Variants in LRRC37B observed in about 807,000 individuals in gnomAD.
LRRC37B encodes leucine-rich repeat-containing protein 37B.
A neutral mutation model predicts 98.3 loss-of-function variants in LRRC37B; 28 were observed. The ratio of observed to expected loss-of-function variants is 0.28; its 90% CI spans 0.21 to 0.39. The LOEUF (loss-of-function observed/expected upper bound fraction) is 0.39, where lower values mean the gene tolerates loss of function less well. LRRC37B is among the 10% of genes least tolerant of loss of function. The pLI is 1.00. For synonymous variants in LRRC37B, 364 were observed against 442.7 expected, an observed-to-expected ratio of 0.82 and a Z score of 2.23; for missense variants, 938 against 1,182.7, an observed-to-expected ratio of 0.79 and a Z score of 3.03.
chr17:32,038,019 C>T (rs1293399417), intron 7 of LRRC37B, among the ~76,000 whole-genome samples: 2 of 151,880 alleles, frequency 1.3e-5, no homozygotes, highest in Admixed American at 6.6e-5. Context: ...CCCAGCTACT[C>T]GGGAGGCTGA....
Position 32,022,835 on chromosome 17 carries a change from A to C in LRRC37B, c.1760+10A>C. The C allele has an allele frequency of 1.2e-6, 2 of 1,611,974 alleles. No homozygotes were observed. Among genetic ancestry groups the C allele is most frequent in the South Asian group, 1.1e-5 (1 of 91,022 alleles). ...GCATCTTCACCACCTTGTAAGAATC[A>C]CCTTTCCTCAATCATCCTCTGTGTC... On this transcript the variant is annotated intron_variant, in intron 1 of 11. Transcript: ENST00000327564.
intron 3 of LRRC37B, among the ~76,000 whole-genome samples, chr17:32,030,273 A>G (rs1296983514): frequency 6.6e-6 from 1 of 152,142 alleles, no homozygotes; most frequent in Non-Finnish European, 1.5e-5. Context: ...TGGCTTAGGA[A>G]AACAAAGCTA....
chr17:32,026,479 A>C (rs1910956000), intron 2 of LRRC37B, among the ~76,000 whole-genome samples: 1 of 152,144 alleles, frequency 6.6e-6, no homozygotes, highest in South Asian at 2.1e-4. Flanking sequence ...CCCAGGCTGG[A>C]GTTCACTGGT....
At chr17:32,009,000 G>T (rs1010223023) in intron 1 of LRRC37B, among the ~76,000 whole-genome samples, 2 of 152,166 alleles carry the variant, frequency 1.3e-5, no homozygotes, top group Non-Finnish European at 2.9e-5. Context: ...ATAAGAAACT[G>T]CCAAAACTGT....
chr17:32,029,439 C>T (rs922219741), intron 3 of LRRC37B, among the ~76,000 whole-genome samples: 2 of 152,064 alleles, frequency 1.3e-5, no homozygotes, highest in Non-Finnish European at 2.9e-5. Context: ...TGAACAATAA[C>T]TACATTAAGA....
rs534866119 is a variant in LRRC37B, at chr17:32,044,760, C to T, written c.2205-940C>T. Reference sequence around the variant, plus strand: ...ACTAAAATTAGCTGGGGTGGTGGTGCAAGCCTATAGTCCCATCTATCTGGG... The same window carrying T: ...ACTAAAATTAGCTGGGGTGGTGGTGTAAGCCTATAGTCCCATCTATCTGGG... On this transcript the variant is annotated intron_variant, in intron 7 of 11. Coordinates refer to ENST00000327564, the Ensembl canonical transcript of LRRC37B. 5.5e-4 allele frequency among the ~76,000 whole-genome samples: 84 copies of T among 152,258 alleles called. 1 individual carries two copies. Among genetic ancestry groups the T allele is most frequent in the African/African-American group, 1.8e-3 (75 of 41,544 alleles).
In LRRC37B at chr17:32,038,869, G is replaced by T. The variant is rs1256415754; in HGVS notation, c.2204+3230G>T. 4.6e-5 allele frequency among the ~76,000 whole-genome samples: 7 copies of T among 152,062 alleles called. No homozygotes were observed. In the South Asian group the frequency reaches 8.3e-4, roughly 18 times the overall value. On this transcript the variant is annotated intron_variant, in intron 7 of 11. Coordinates refer to ENST00000327564, the Ensembl canonical transcript of LRRC37B. The stretch of plus-strand genomic sequence containing the variant: ...TGAGACTCTGTCTCAAAAAAATAAA[G>T]AAAGAAAGAAAATAAATAAATAAAG...
In LRRC37B at chr17:32,050,113, G is replaced by A; in HGVS notation, c.2862+6G>A. The A allele has an allele frequency of 7.3e-7, 1 of 1,374,426 alleles. No homozygotes were observed. Among genetic ancestry groups the A allele is most frequent in the Non-Finnish European group, 1.0e-6 (1 of 962,344 alleles). 85.1% of individuals were successfully genotyped at this position (1,374,426 alleles called of 1,614,324 possible). On this transcript the variant is annotated splice_donor_region_variant and intron_variant, in intron 11 of 11. Transcript: ENST00000327564. ...TAATTTTTTGTCTTATAGAGGTAAG[G>A]ACAATAATTAATTCAGGTTTTCAGA...
chr17:32,020,118 A>G (rs868660175), upstream of LRRC37B, among the ~76,000 whole-genome samples: 2 of 152,130 alleles, frequency 1.3e-5, no homozygotes, highest in Non-Finnish European at 2.9e-5. Context: ...TTCTGGGATT[A>G]TGGGTGTGAG....
At chr17:32,035,215 C>T (rs896869131) in intron 6 of LRRC37B, among the ~76,000 whole-genome samples, 8 of 151,856 alleles carry the variant, frequency 5.3e-5, no homozygotes, top group Non-Finnish European at 7.4e-5. Context: ...AACATGTAGA[C>T]ACATGGAGGA....
At chr17:32,043,296 C>T (rs1194286062) in intron 7 of LRRC37B, among the ~76,000 whole-genome samples, 1 of 152,232 alleles carries the variant, frequency 6.6e-6, no homozygotes, top group South Asian at 2.1e-4. Context: ...CCTTTGGGCT[C>T]ATGCCTGTAA....
At chr17:32,036,885 A>C (rs1911257739) in intron 7 of LRRC37B, among the ~76,000 whole-genome samples, 1 of 151,828 alleles carries the variant, frequency 6.6e-6, no homozygotes, top group Non-Finnish European at 1.5e-5. Context: ...TAACTTTTTA[A>C]GAAACTGCTG....
At chr17:32,022,210 A>G (rs530320988) in exon 1 of LRRC37B, 1 of 1,613,170 alleles carries the variant, frequency 6.2e-7, no homozygotes, top group South Asian at 1.1e-5. Flanking sequence ...ATGACTTCAG[A>G]GCCTAAAAAT....
At chr17:32,035,931 C>A (rs1242327964) in intron 7 of LRRC37B, 2 of 290,422 alleles carry the variant, frequency 6.9e-6, no homozygotes, top group Non-Finnish European at 1.3e-5. Context: ...CTAGTTTTGT[C>A]TTTTTCAGAA....
At chr17:32,016,713 G>C (rs1438172615), upstream of LRRC37B, among the ~76,000 whole-genome samples, 1 of 152,162 alleles carries the variant, frequency 6.6e-6, no homozygotes, top group Non-Finnish European at 1.5e-5. Context: ...GATTTTTGCT[G>C]CACCTCCACT....
chr17:32,018,847 C>T (rs957884451), upstream of LRRC37B, among the ~76,000 whole-genome samples: 3 of 152,128 alleles, frequency 2.0e-5, no homozygotes, highest in African/African-American at 4.8e-5. Context: ...AATGAGGTTT[C>T]GGTCAACAAT....
intron 9 of LRRC37B, among the ~76,000 whole-genome samples, chr17:32,048,645 A>G (rs985991632): frequency 1.3e-5 from 2 of 152,254 alleles, no homozygotes; most frequent in African/African-American, 4.8e-5. Flanking sequence ...TACCGCTTTT[A>G]TAAAACTCAC....
upstream of LRRC37B, among the ~76,000 whole-genome samples, chr17:32,020,393 G>A (rs552023336): frequency 6.0e-5 from 9 of 150,796 alleles, no homozygotes; most frequent in South Asian, 8.4e-4. Flanking sequence ...GAAGGGTGGC[G>A]CTGTAACTTC....
intron 7 of LRRC37B, chr17:32,040,761 G>A (rs537849504): frequency 8.5e-6 from 7 of 823,812 alleles, no homozygotes; most frequent in African/African-American, 6.7e-5. Flanking sequence ...CTTCAGTGAC[G>A]CACTGCTGGA....
Sources: gnomAD v4.1 joint callset for allele counts (sites outside exome capture counted in the v4.1 genomes callset) on GRCh38, gnomAD v4.1.1 for gene constraint, MANE v1.5 for transcripts, NCBI Gene and HGNC (gene_info 2026-07-23, HGNC 2026-07-21) for gene names.